The following FABP5 variants were observed in gnomAD, a reference collection of about 807,000 sequenced individuals.
The protein encoded by FABP5 is fatty acid-binding protein 5.
In FABP5, 7 loss-of-function variants were observed where a neutral mutation model predicts 16.9. That is an observed-to-expected ratio of 0.41 (90% confidence interval 0.24 to 0.78). The LOEUF (loss-of-function observed/expected upper bound fraction) is 0.78, where lower values mean the gene tolerates loss of function less well. Ranked by LOEUF, FABP5 falls within the 30% of genes least tolerant of loss-of-function variation. FABP5 has a pLI of 0.30. For synonymous variants in FABP5, 37 were observed against 52.8 expected (o/e 0.70, Z 1.30); for missense variants, 119 against 159.5 (o/e 0.75, Z 1.37).
Position 81,281,002 on chromosome 8 carries a change from G to A in FABP5, c.79+328G>A. 1 of 279,958 alleles carries A rather than the reference G, an allele frequency of 3.6e-6. No homozygotes were observed. The highest frequency in any genetic ancestry group is 6.8e-6 in the Non-Finnish European group (1 of 146,896). 17.3% of individuals were successfully genotyped at this position (279,958 alleles called of 1,614,324 possible). ...CGCATTGCTTCCTGTCCTTTAGCGC[G>A]CGCACCCGTCACCTCACGCTGCACT... On this transcript the variant is annotated intron_variant, in intron 1 of 3. Coordinates refer to ENST00000297258, the MANE Select transcript of FABP5 (RefSeq NM_001444.3). The surrounding 1 kb of genome is among the most constrained non-coding windows in gnomAD (Gnocchi z 4.5).
chr8:81,282,746 A>C (rs2131268292), intron 1 of FABP5, among the ~76,000 whole-genome samples: 1 of 152,242 alleles, frequency 6.6e-6, no homozygotes, highest in Non-Finnish European at 1.5e-5. Flanking sequence ...TGTGCTGCTG[A>C]GTTTTAAAAG....
chr8:81,281,199 T>G lies in FABP5; in HGVS notation c.79+525T>G. 2.7e-6 allele frequency: 1 copy of G among 369,978 alleles called. No individual in the cohort carries two copies. Among genetic ancestry groups the G allele is most frequent in the African/African-American group, 2.2e-5 (1 of 45,606 alleles). 22.9% of individuals were successfully genotyped at this position (369,978 alleles called of 1,614,324 possible). A position where few individuals can be genotyped will look rare whatever the true frequency, so the allele number is the denominator to read the frequency against. On this transcript the variant is annotated intron_variant, in intron 1 of 3. Transcript: ENST00000297258. The surrounding 1 kb of genome is among the most constrained non-coding windows in gnomAD (Gnocchi z 4.5). ...CCTGTGGCGCGCAGGTCACCCTCCGTTTTCTTCATGGGGACGCGGTGCTGG... is the reference window on the plus strand; with the variant it reads ...CCTGTGGCGCGCAGGTCACCCTCCGGTTTCTTCATGGGGACGCGGTGCTGG...
chr8:81,281,332 C>G lies in FABP5; in HGVS notation c.79+658C>G. 2.0e-6 allele frequency: 2 copies of G among 985,338 alleles called. No individual in the cohort carries two copies. The highest frequency in any genetic ancestry group is 2.4e-6 in the Non-Finnish European group (2 of 829,820). 61.0% of individuals were successfully genotyped at this position (985,338 alleles called of 1,614,324 possible). On this transcript the variant is annotated intron_variant, in intron 1 of 3. Transcript: ENST00000297258. The surrounding 1 kb of genome is among the most constrained non-coding windows in gnomAD (Gnocchi z 4.5). ...CCCCCAGGTCCTCTGCTCGCCCTTA[C>G]CAGTTGAGCCGAACCCTTTGGATTG...
At position 81,283,895 on chromosome 8, in the gene FABP5, G is replaced by T. The variant is rs1373223531; in HGVS notation, c.275G>T (p.Gly92Val). ...KTQTVCNFTD[G>V]ALVQHQEWDG... ...CAGACTGTCTGCAACTTTACAGATG[G>T]TGCATTGGTTCAGCATCAGGAGTGG... The change falls in exon 3 of 4, where the codon GGT (glycine) becomes GTT (valine). Residue 92 changes from glycine to valine, a missense_variant. Transcript: ENST00000297258. The T allele has an allele frequency of 6.2e-7, 1 of 1,612,502 alleles. No individual in the cohort carries two copies. The highest frequency in any genetic ancestry group is 1.7e-5 in the Admixed American group (1 of 60,014).
Position 81,281,589 on chromosome 8 carries a change from C to T in FABP5, c.79+915C>T. 1.0e-6 allele frequency: 1 copy of T among 985,584 alleles called. No individual in the cohort carries two copies. The allele number at this position is 985,584 out of a possible 1,614,324, so 61.1% of individuals were successfully genotyped here. On this transcript the variant is annotated intron_variant, in intron 1 of 3. Transcript: ENST00000297258. The surrounding 1 kb of genome is among the most constrained non-coding windows in gnomAD (Gnocchi z 4.5). ...TAACAGAAACTGCCTGGCCCTCCTG[C>T]GGCTAACTGCATGCAAGATGGGTGT...
At position 81,283,891 on chromosome 8, in the gene FABP5, G is replaced by A. The variant is rs1461024778; in HGVS notation, c.271G>A (p.Asp91Asn). ...RKTQTVCNFT[D>N]GALVQHQEWD... ...TTTGCAGACTGTCTGCAACTTTACA[G>A]ATGGTGCATTGGTTCAGCATCAGGA... Residue 91 changes from aspartate to asparagine, a missense_variant, in exon 3 of 4, where the codon GAT becomes AAT. By Grantham distance (23) the Asp-to-Asn change is conservative. Coordinates refer to ENST00000297258, the MANE Select transcript of FABP5 (RefSeq NM_001444.3). 1.9e-6 allele frequency: 3 copies of A among 1,612,384 alleles called. No homozygotes were observed. The highest frequency in any genetic ancestry group is 2.5e-6 in the Non-Finnish European group (3 of 1,179,102).
chr8:81,282,167 AGTGTGT>A (rs10700115), intron 1 of FABP5, among the ~76,000 whole-genome samples: 32 of 147,686 alleles, frequency 2.2e-4, no homozygotes, highest in Admixed American at 1.4e-3. Flanking sequence ...AATAAATAAC[AGTGTGT>A]GTGTGTGTGT....
At chr8:81,284,253 A>C in intron 3 of FABP5, 3 of 533,468 alleles carry the variant, frequency 5.6e-6, no homozygotes, top group Non-Finnish European at 9.9e-6. Context: ...ACATTTTTCT[A>C]TATCTTTAAA....
chr8:81,282,601 C>G (rs529548623), intron 1 of FABP5, among the ~76,000 whole-genome samples: 97 of 151,944 alleles, frequency 6.4e-4, no homozygotes, highest in Admixed American at 1.2e-3. Context: ...TACATGTTAA[C>G]GTTGAGGGGA....
At chr8:81,283,647 A>G in intron 2 of FABP5, 109 bp downstream of exon 2, 1 of 1,259,642 alleles carries the variant, frequency 7.9e-7, no homozygotes, top group Non-Finnish European at 1.1e-6. Flanking sequence ...TATTTTATGA[A>G]TTGAATTTTG....
chr8:81,281,724 T>TC lies in FABP5; in HGVS notation c.79+1050_79+1051insC. The TC allele has an allele frequency of 1.0e-6, 1 of 954,542 alleles. No individual in the cohort carries two copies. Among genetic ancestry groups the TC allele is most frequent in the Non-Finnish European group, 1.2e-6 (1 of 801,672 alleles). 59.1% of individuals were successfully genotyped at this position (954,542 alleles called of 1,614,324 possible). A position where few individuals can be genotyped will look rare whatever the true frequency, so the allele number is the denominator to read the frequency against. ...GTGCTTCATTATAAATTACTGTCCT[T>TC]TTCTATGCCAGTGACAGATTGCATG... On this transcript the variant is annotated intron_variant, in intron 1 of 3. Coordinates refer to ENST00000297258, the MANE Select transcript of FABP5 (RefSeq NM_001444.3). This position sits in a 1 kb window ranked among gnomAD's most constrained non-coding sequence, Gnocchi z 4.5.
In FABP5 at chr8:81,280,670, G is replaced by C. The variant is rs1340401637; in HGVS notation, c.75G>C (p.Glu25Asp). Residue 25 changes from glutamate to aspartate, a missense_variant, in exon 1 of 4, where the codon GAG (glutamate) becomes GAC (aspartate). Physicochemically the swap from Glu to Asp is conservative, Grantham distance 45. Coordinates refer to ENST00000297258, the MANE Select transcript of FABP5 (RefSeq NM_001444.3). ...DSKGFDEYMK[E>D]LGVGIALRKM... ...AAGGCTTTGATGAATACATGAAGGA[G>C]CTAGGTGAGGCACCCGGCCTGGCAG... 4.5e-6 allele frequency: 7 copies of C among 1,556,934 alleles called. No homozygotes were observed. Among genetic ancestry groups the C allele is most frequent in the African/African-American group, 1.4e-5 (1 of 73,642 alleles).
intron 1 of FABP5, 55 bp from the exon 2 acceptor site, chr8:81,283,311 A>G (rs1807864212): frequency 7.2e-7 from 1 of 1,390,622 alleles, no homozygotes; most frequent in Non-Finnish European, 9.8e-7. Context: ...TGCTTTTATC[A>G]TGTAAATGAT....
intron 3 of FABP5, chr8:81,284,213 G>A: frequency 1.8e-6 from 1 of 541,004 alleles, no homozygotes; most frequent in Non-Finnish European, 3.2e-6. Context: ...CCACGTCACA[G>A]TGAAATCTTG....
At chr8:81,280,884 T>G in intron 1 of FABP5, 2 of 499,640 alleles carry the variant, frequency 4.0e-6, no homozygotes, top group Non-Finnish European at 3.6e-6. Flanking sequence ...TGCGCGCCTC[T>G]TGCCCGCCCG....
Position 81,281,551 on chromosome 8 carries a change from TG to T in FABP5, c.79+878del. ...TGAGGAGGAAGGAGGCAGTGGGCTT[TG>T]CTGGAAAACCGTAACAGAAACTGCC... is the stretch of plus-strand genomic sequence containing the variant. On this transcript the variant is annotated intron_variant, in intron 1 of 3. Coordinates refer to ENST00000297258, the MANE Select transcript of FABP5 (RefSeq NM_001444.3). This position sits in a 1 kb window ranked among gnomAD's most constrained non-coding sequence, Gnocchi z 4.5. 1.0e-6 allele frequency: 1 copy of T among 985,764 alleles called. No individual in the cohort carries two copies. The highest frequency in any genetic ancestry group is 1.2e-6 in the Non-Finnish European group (1 of 830,182). 61.1% of individuals were successfully genotyped at this position (985,764 alleles called of 1,614,324 possible). A position where few individuals can be genotyped will look rare whatever the true frequency, so the allele number is the denominator to read the frequency against.
rs1489382912 is a variant in FABP5 at position 81,281,602 on chromosome 8, G to A, written c.79+928G>A. The A allele has an allele frequency of 1.0e-6, 1 of 985,362 alleles. No homozygotes were observed. The highest frequency in any genetic ancestry group is 1.2e-6 in the Non-Finnish European group (1 of 829,950). 61.0% of individuals were successfully genotyped at this position (985,362 alleles called of 1,614,324 possible). A position where few individuals can be genotyped will look rare whatever the true frequency, so the allele number is the denominator to read the frequency against. On this transcript the variant is annotated intron_variant, in intron 1 of 3. Coordinates refer to ENST00000297258, the MANE Select transcript of FABP5 (RefSeq NM_001444.3). This position sits in a 1 kb window ranked among gnomAD's most constrained non-coding sequence, Gnocchi z 4.5. ...CTGGCCCTCCTGCGGCTAACTGCATGCAAGATGGGTGTGGCCCTGCAGAAG... is the reference window on the plus strand; with the variant it reads ...CTGGCCCTCCTGCGGCTAACTGCATACAAGATGGGTGTGGCCCTGCAGAAG...
In FABP5 at chr8:81,281,747, A is replaced by T. The variant is rs181541105; in HGVS notation, c.79+1073A>T. On this transcript the variant is annotated intron_variant, in intron 1 of 3. Coordinates refer to ENST00000297258, the MANE Select transcript of FABP5 (RefSeq NM_001444.3). This position sits in a 1 kb window ranked among gnomAD's most constrained non-coding sequence, Gnocchi z 4.5. ...CTTTTCTATGCCAGTGACAGATTGC[A>T]TGCTGATTGAGACACTGGATAAATT... 8 of 882,664 alleles carry T rather than the reference A, an allele frequency of 9.1e-6. No individual in the cohort carries two copies. The East Asian group carries it at 8.4e-4, about 93-fold the overall frequency. 54.7% of individuals were successfully genotyped at this position (882,664 alleles called of 1,614,324 possible).
chr8:81,280,897 G>T, intron 1 of FABP5: 2 of 523,780 alleles, frequency 3.8e-6, no homozygotes. Flanking sequence ...CCCGCCCGCG[G>T]GCCGCAAGAT....
Sources: gnomAD v4.1 joint callset for allele counts (sites outside exome capture counted in the v4.1 genomes callset) on GRCh38, gnomAD v4.1.1 for gene constraint, Gnocchi (gnomAD v3.1) non-coding constraint, MANE v1.5 for transcripts, NCBI Gene and HGNC (gene_info 2026-07-23, HGNC 2026-07-21) for gene names.